ZNF717: variants seen among roughly 807,000 people sequenced by gnomAD.
The protein encoded by ZNF717 is krueppel-like factor X17.
ZNF717 carries 9 observed loss-of-function variants against 13.8 expected under a neutral mutation model. The ratio of observed to expected loss-of-function variants is 0.65; its 90% CI spans 0.39 to 1.14. ZNF717 has a LOEUF of 1.14. Ranked by LOEUF, ZNF717 falls within the 50% of genes most tolerant of loss-of-function variation. The pLI is 0.01. For synonymous variants in ZNF717, 327 were observed against 364.1 expected, an observed-to-expected ratio of 0.90 and a Z score of 1.16; for missense variants, 1,040 against 1,080.7, an observed-to-expected ratio of 0.96 and a Z score of 0.53.
intron 2 of ZNF717, among the ~76,000 whole-genome samples, chr3:75,780,271 G>T (rs748822162): frequency 6.6e-6 from 1 of 152,148 alleles, no homozygotes; most frequent in South Asian, 2.1e-4. Flanking sequence ...TGGGAGTCAC[G>T]TGCTAAAACT....
chr3:75,754,507 T>C (rs1442385458), intron 2 of ZNF717, among the ~76,000 whole-genome samples: 2 of 144,784 alleles, frequency 1.4e-5, no homozygotes, highest in Admixed American at 7.0e-5. Flanking sequence ...GGGTAATGTA[T>C]CCAGAAAGAC....
chr3:75,745,846 T>A (rs967795989), intron 2 of ZNF717, among the ~76,000 whole-genome samples: 32 of 151,548 alleles, frequency 2.1e-4, no homozygotes, highest in African/African-American at 5.1e-4. Context: ...TTTCTTTTTT[T>A]AATATATTTT....
intron 2 of ZNF717, among the ~76,000 whole-genome samples, chr3:75,781,924 G>A (rs114635690): frequency 6.6e-6 from 1 of 152,068 alleles, no homozygotes; most frequent in Non-Finnish European, 1.5e-5. Flanking sequence ...TTTTTTGTCT[G>A]TTTTTTCTTC....
At chr3:75,783,572 G>GTCTACAA (rs1944965882) in intron 1 of ZNF717, among the ~76,000 whole-genome samples, 2 of 152,106 alleles carry the variant, frequency 1.3e-5, no homozygotes, top group African/African-American at 4.8e-5. Flanking sequence ...TACATTAATT[G>GTCTACAA]GTAGACATTA....
rs76815006 is a variant in ZNF717, at chr3:75,738,137, T to G, written c.1486A>C (p.Ile496Leu). Residue 496 changes from isoleucine to leucine, a missense_variant, in exon 5 of 5, where the codon ATC (isoleucine) becomes CTC (leucine). Ile to Leu is a conservative substitution (Grantham distance 5). Coordinates refer to ENST00000652011, the MANE Select transcript of ZNF717 (RefSeq NM_001290208.3). ...KTFHRKSFLT[I>L]HQWTHTGEKP... ...TCCCCTGTGTGAGTCCATTGATGGATAGTGAGGAATGACTTACGGTGAAAC... is the reference window on the plus strand; with the variant it reads ...TCCCCTGTGTGAGTCCATTGATGGAGAGTGAGGAATGACTTACGGTGAAAC... 3.5e-6 allele frequency: 5 copies of G among 1,427,292 alleles called. 1 individual carries two copies. The East Asian group carries it at 7.5e-5, about 22-fold the overall frequency. 88.4% of individuals were successfully genotyped at this position (1,427,292 alleles called of 1,614,324 possible).
chr3:75,701,748 T>A (rs75131885), intron 6 of ZNF717, among the ~76,000 whole-genome samples: 2 of 152,232 alleles, frequency 1.3e-5, no homozygotes, highest in African/African-American at 4.8e-5. Context: ...AGAAACAGAC[T>A]AATACACTAC....
chr3:75,784,543 G>A lies in ZNF717; in HGVS notation c.-3+841C>T, dbSNP rs112768734. On this transcript the variant is annotated intron_variant, in intron 1 of 4. Transcript: ENST00000652011. Reference sequence around the variant, plus strand: ...GGAAAGGTTGAAGGAATGGGACTGTGTTTGGAGAGTATTTTAATCTTCTCA... The same window carrying A: ...GGAAAGGTTGAAGGAATGGGACTGTATTTGGAGAGTATTTTAATCTTCTCA... Among the ~76,000 whole-genome samples the A allele has an allele frequency of 2.0e-5, 3 of 152,310 alleles. No individual in the cohort carries two copies. In the South Asian group the frequency reaches 6.2e-4, roughly 32 times the overall value.
chr3:75,706,884 A>C (rs1196064849), downstream of ZNF717, among the ~76,000 whole-genome samples: 1 of 152,298 alleles, frequency 6.6e-6, no homozygotes, highest in African/African-American at 2.4e-5. Context: ...ACTGCTTATC[A>C]TATCTTCTAA....
intron 2 of ZNF717, among the ~76,000 whole-genome samples, chr3:75,777,824 C>T (rs1216721765): frequency 6.0e-5 from 9 of 149,894 alleles, no homozygotes; most frequent in South Asian, 2.1e-4. Context: ...GAGTGTCATG[C>T]TAAACCAGAA....
chr3:75,762,440 C>CAAAAAAAAAAAAAAAAAA (rs36024450), intron 2 of ZNF717, among the ~76,000 whole-genome samples: 1 of 116,438 alleles, frequency 8.6e-6, no homozygotes, highest in Non-Finnish European at 1.7e-5. Context: ...GACTCCATCT[C>CAAAAAAAAAAAAAAAAAA]AAAAAAAAAA....
intron 2 of ZNF717, among the ~76,000 whole-genome samples, chr3:75,762,057 A>C (rs1165561767): frequency 6.7e-6 from 1 of 148,984 alleles, no homozygotes; most frequent in Non-Finnish European, 1.5e-5. Flanking sequence ...CCATCTCAAA[A>C]AAAAGAAAGA....
chr3:75,783,489 C>CT (rs1292768776), intron 1 of ZNF717, 125 bp from the exon 2 acceptor site: 1 of 686,216 alleles, frequency 1.5e-6, no homozygotes. Flanking sequence ...AAAAGAAAAA[C>CT]TTCCCCATGG....
chr3:75,718,322 T>A (rs1311396191), intron 4 of ZNF717, among the ~76,000 whole-genome samples: 7 of 152,062 alleles, frequency 4.6e-5, no homozygotes, highest in Non-Finnish European at 1.0e-4. Context: ...GAGGAAGACA[T>A]TCGGCTGGGC....
Position 75,738,746 on chromosome 3 carries a change from T to G in ZNF717, c.877A>C (p.Ile293Leu), listed in dbSNP as rs77452021. 1 of 1,552,218 alleles carries G rather than the reference T, an allele frequency of 6.4e-7. No individual in the cohort carries two copies. The highest frequency in any genetic ancestry group is 2.4e-5 in the East Asian group (1 of 40,970). Residue 293 changes from isoleucine (I) to leucine (L), a missense_variant, in exon 5 of 5, where the codon ATT (isoleucine) becomes CTT (leucine). Physicochemically the swap from Ile to Leu is conservative, Grantham distance 5 (BLOSUM62 2). Around this residue, in one of 3 missense-constraint regions of ZNF717, gnomAD observed 873 missense variants for 832.8 expected, o/e 1.05. Transcript: ENST00000652011. ...YECVECEKPS[I>L]SKSDLMLQCK... ...TGTAGCATAAGGTCTGATTTGCTAA[T>G]GGAGGGTTTCTCACATTCAACACAT...
At chr3:75,747,669 A>G (rs1334683895) in intron 2 of ZNF717, among the ~76,000 whole-genome samples, 10 of 152,150 alleles carry the variant, frequency 6.6e-5, no homozygotes, top group Non-Finnish European at 1.5e-5. Flanking sequence ...TTTCCCTGTT[A>G]TTGGTGTATA....
intron 4 of ZNF717, among the ~76,000 whole-genome samples, chr3:75,722,126 G>T (rs79379585): frequency 2.6e-5 from 4 of 151,918 alleles, no homozygotes; most frequent in Non-Finnish European, 4.4e-5. Context: ...TGGGCGTGGT[G>T]GTGGGCGCCT....
rs796147593 is a variant in ZNF717, at chr3:75,717,331, T to C, written n.545-790A>G. On this transcript the variant is annotated intron_variant and non_coding_transcript_variant, in intron 4 of 5. Transcript: ENST00000491507. The stretch of plus-strand genomic sequence containing the variant: ...CTAAAAATGGATCAATATTTTTTTA[T>C]TCAAGAAATCTCTGTGAGCTGCTTT... Among the ~76,000 whole-genome samples the C allele has an allele frequency of 2.0e-5, 3 of 152,380 alleles. No individual in the cohort carries two copies. The South Asian group carries it at 6.2e-4, about 32-fold the overall frequency.
exon 6 of ZNF717, chr3:75,710,283 T>C (rs1937904736): frequency 6.6e-6 from 1 of 152,256 alleles, no homozygotes; most frequent in Non-Finnish European, 1.5e-5. Context: ...TCACAAGGAA[T>C]CAGGTGAGAT....
At chr3:75,768,010 A>G (rs1351435648) in intron 2 of ZNF717, among the ~76,000 whole-genome samples, 1 of 152,160 alleles carries the variant, frequency 6.6e-6, no homozygotes, top group Non-Finnish European at 1.5e-5. Flanking sequence ...GAATGACAAG[A>G]GCCCAGAGGG....
Sources: allele counts gnomAD v4.1 joint callset (sites outside exome capture counted in the v4.1 genomes callset), GRCh38; gene constraint gnomAD v4.1.1; regional missense constraint gnomAD v4.1.1; transcripts MANE v1.5; gene names NCBI Gene and HGNC (gene_info 2026-07-23, HGNC 2026-07-21).